LHX4: variants seen among roughly 807,000 people sequenced by gnomAD.
LHX4 encodes the protein LIM homeobox 4, also known as LIM/homeobox protein Lhx4.
A neutral mutation model predicts 39.2 loss-of-function variants in LHX4; 16 were observed. The observed-to-expected ratio is 0.41, with a 90% CI of 0.28 to 0.62. The LOEUF (loss-of-function observed/expected upper bound fraction) is 0.62. Ranked by LOEUF, LHX4 falls within the 20% of genes least tolerant of loss-of-function variation. The pLI, the probability that LHX4 is intolerant of heterozygous loss-of-function variation, is 0.33. For synonymous variants in LHX4, 206 were observed against 198.1 expected (o/e 1.04, Z -0.33); for missense variants, 439 against 511.9 (o/e 0.86, Z 1.37).
chr1:180,271,131 G>C (rs958799271), intron 3 of LHX4: 1 of 564,508 alleles, frequency 1.8e-6, no homozygotes, highest in Admixed American at 2.9e-5. Flanking sequence ...TGGCAGGGGA[G>C]GGTTGAGGCA....
chr1:180,244,595 A>G (rs984253142), intron 1 of LHX4, among the ~76,000 whole-genome samples: 1 of 152,212 alleles, frequency 6.6e-6, no homozygotes, highest in Non-Finnish European at 1.5e-5. Flanking sequence ...AATAAATTTT[A>G]TGGGCATATA....
rs1401883352 is a variant in LHX4 at position 180,234,999 on chromosome 1, G to A, written c.76+4394G>A. Among the ~76,000 whole-genome samples the A allele has an allele frequency of 6.6e-6, 1 of 152,240 alleles. No individual in the cohort carries two copies. The highest frequency in any genetic ancestry group is 6.5e-5 in the Admixed American group (1 of 15,292). On this transcript the variant is annotated intron_variant, in intron 1 of 5. Transcript: ENST00000263726. The surrounding 1 kb of genome is among the most constrained non-coding windows in gnomAD (Gnocchi z 4.8). The stretch of plus-strand genomic sequence containing the variant: ...CACCCATGGGCGGCTCACGATCCTG[G>A]GCACTCGCCCGGGAATCCCGGGCGT...
upstream of LHX4, among the ~76,000 whole-genome samples, chr1:180,229,911 T>C (rs1406482509): frequency 7.2e-6 from 1 of 139,154 alleles, no homozygotes; most frequent in Admixed American, 7.1e-5. Flanking sequence ...GCAGAATTTA[T>C]ACCCAGGGCG....
intron 2 of LHX4, among the ~76,000 whole-genome samples, chr1:180,254,422 T>A (rs1647760096): frequency 6.6e-6 from 1 of 152,190 alleles, no homozygotes. Context: ...AGGCCGTAGG[T>A]GGGCTGTCCG....
intron 1 of LHX4, among the ~76,000 whole-genome samples, chr1:180,244,393 G>A (rs1416251010): frequency 6.6e-6 from 1 of 152,068 alleles, no homozygotes; most frequent in Non-Finnish European, 1.5e-5. Context: ...GACCCAGCGC[G>A]GATCCTTTCC....
chr1:180,270,424 C>T (rs1277486678), intron 3 of LHX4: 1 of 152,238 alleles, frequency 6.6e-6, no homozygotes, highest in African/African-American at 2.4e-5. Flanking sequence ...TCCAGGGGCA[C>T]TGTGGAGAAA....
At chr1:180,268,991 T>C (rs1648459743) in intron 3 of LHX4, among the ~76,000 whole-genome samples, 1 of 152,228 alleles carries the variant, frequency 6.6e-6, no homozygotes, top group African/African-American at 2.4e-5. Flanking sequence ...TGAATGATTT[T>C]GTTCACTTGT....
Position 180,271,390 on chromosome 1 carries a change from G to A in LHX4, c.462G>A (p.Glu154=). ...GGTTTTTCCTTGCAGATGACTCAGAGGCTGGAGCTAAGCGGCCCCGGACCA... is the reference window on the plus strand; with the variant it reads ...GGTTTTTCCTTGCAGATGACTCAGAAGCTGGAGCTAAGCGGCCCCGGACCA... ...YETAKQNDDS[E]AGAKRPRTTI... The change falls in exon 4 of 6, where the codon GAG becomes GAA. Residue 154 remains glutamate (E), a synonymous_variant. Transcript: ENST00000263726. 6.2e-7 allele frequency: 1 copy of A among 1,614,206 alleles called. No homozygotes were observed. Among genetic ancestry groups the A allele is most frequent in the Admixed American group, 1.7e-5 (1 of 60,018 alleles).
rs572162145 is a variant in LHX4 at position 180,259,486 on chromosome 1, G to A, written c.249-6906G>A. On this transcript the variant is annotated intron_variant, in intron 2 of 5. Coordinates refer to ENST00000263726, the MANE Select transcript of LHX4 (RefSeq NM_033343.4). ...GCAGGCAGGGGCTGGGGCCCCGGGT[G>A]TGCGAGTGGAAGGCACAGTGGGAGG... Among the ~76,000 whole-genome samples the A allele has an allele frequency of 4.6e-5, 7 of 151,934 alleles. No homozygotes were observed. In the East Asian group the frequency reaches 1.2e-3, roughly 25 times the overall value.
Position 180,266,525 on chromosome 1 carries a change from G to A in LHX4, c.382G>A (p.Asp128Asn). The change falls in exon 3 of 6, where the codon GAC (aspartate) becomes AAC (asparagine). Residue 128 changes from aspartate to asparagine, a missense_variant. Physicochemically the swap from Asp to Asn is conservative, Grantham distance 23. Coordinates refer to ENST00000263726, the MANE Select transcript of LHX4 (RefSeq NM_033343.4). The surrounding 1 kb of genome is among the most constrained non-coding windows in gnomAD (Gnocchi z 5.7). Reference protein sequence around the residue: ...IICNRQLATGDEFYLMEDGRL... With the variant: ...IICNRQLATGNEFYLMEDGRL... ...CTGCAACCGGCAGCTGGCCACGGGG[G>A]ACGAATTCTACCTCATGGAGGACGG... 6.2e-7 allele frequency: 1 copy of A among 1,614,214 alleles called. No homozygotes were observed. Among genetic ancestry groups the A allele is most frequent in the African/African-American group, 1.3e-5 (1 of 75,064 alleles).
intron 2 of LHX4, among the ~76,000 whole-genome samples, chr1:180,256,127 C>G (rs1647846033): frequency 6.6e-6 from 1 of 152,266 alleles, no homozygotes; most frequent in South Asian, 2.1e-4. Context: ...CCTGCAGCCT[C>G]TGTGCCTTCA....
At chr1:180,247,088 C>G (rs1025363020) in intron 1 of LHX4, among the ~76,000 whole-genome samples, 1 of 152,060 alleles carries the variant, frequency 6.6e-6, no homozygotes, top group Non-Finnish European at 1.5e-5. Flanking sequence ...TTTTGAAAAG[C>G]ACAGGGGAAA....
rs375441662 is a variant in LHX4, at chr1:180,274,285, C to T, written c.879C>T (p.Asp293=). ...GQLMNGSFSM[D]GTGQSYQDLR... is the part of the protein sequence containing the mutation. ...TAATGAATGGGAGCTTCTCCATGGA[C>T]GGGACAGGACAATCCTATCAGGACT... Residue 293 remains aspartate (D), a synonymous_variant, in exon 6 of 6, where the codon GAC becomes GAT. Transcript: ENST00000263726. 326 of 1,614,140 alleles carry T rather than the reference C, an allele frequency of 2.0e-4. No individual in the cohort carries two copies. Among genetic ancestry groups the T allele is most frequent in the Admixed American group, 1.0e-3 (60 of 60,034 alleles).
chr1:180,266,300 G>C lies in LHX4; in HGVS notation c.249-92G>C. 2.4e-6 allele frequency: 3 copies of C among 1,234,644 alleles called. No homozygotes were observed. Among genetic ancestry groups the C allele is most frequent in the Non-Finnish European group, 3.6e-6 (3 of 842,074 alleles). 76.5% of individuals were successfully genotyped at this position (1,234,644 alleles called of 1,614,324 possible). On this transcript the variant is annotated intron_variant, in intron 2 of 5. Coordinates refer to ENST00000263726, the MANE Select transcript of LHX4 (RefSeq NM_033343.4). The surrounding 1 kb of genome is among the most constrained non-coding windows in gnomAD (Gnocchi z 5.7). ...GGTGAGGCTCATGGAGTCCCGGAGT[G>C]GTGGGGTAGGAGGGAGGCTGCTCCA...
chr1:180,236,824 C>T (rs1664331515), intron 1 of LHX4, among the ~76,000 whole-genome samples: 1 of 152,182 alleles, frequency 6.6e-6, no homozygotes, highest in Non-Finnish European at 1.5e-5. Context: ...AGTAATATTA[C>T]CCACTTTGAG....
intron 1 of LHX4, among the ~76,000 whole-genome samples, chr1:180,246,135 C>T (rs369942135): frequency 2.0e-5 from 3 of 152,138 alleles, no homozygotes; most frequent in South Asian, 2.1e-4. Flanking sequence ...CTGACTTCCA[C>T]GCAAATACTG....
rs148288621 is a variant in LHX4, at chr1:180,274,801, G to C, written c.*222G>C. The C allele has an allele frequency of 2.2e-5, 12 of 551,586 alleles. No homozygotes were observed. Among genetic ancestry groups the C allele is most frequent in the African/African-American group, 1.9e-4 (10 of 53,522 alleles). 34.2% of individuals were successfully genotyped at this position (551,586 alleles called of 1,614,324 possible). On this transcript the variant is annotated 3_prime_UTR_variant, in exon 6 of 6. Transcript: ENST00000263726. Reference sequence around the variant, plus strand: ...AGACTCATCTCAGAACACAGCACAGGGGGTAATGGCCTAGAGCTCTAGGGA... The same window carrying C: ...AGACTCATCTCAGAACACAGCACAGCGGGTAATGGCCTAGAGCTCTAGGGA...
chr1:180,271,733 T>A (rs1351202192), intron 4 of LHX4, 102 bp from the exon 5 acceptor site: 2 of 1,394,774 alleles, frequency 1.4e-6, no homozygotes, highest in African/African-American at 2.8e-5. Context: ...CTGTGCTCCA[T>A]TCAGGCTTCA....
chr1:180,244,533 TTC>T, intron 1 of LHX4, among the ~76,000 whole-genome samples: 1 of 152,362 alleles, frequency 6.6e-6, no homozygotes, highest in Middle Eastern at 3.4e-3. Context: ...CCCTAATGTA[TTC>T]TCTCTTGAAT....
Sources: allele counts gnomAD v4.1 joint callset (sites outside exome capture counted in the v4.1 genomes callset), GRCh38; gene constraint gnomAD v4.1.1; non-coding constraint Gnocchi (gnomAD v3.1); transcripts MANE v1.5; gene names NCBI Gene and HGNC (gene_info 2026-07-23, HGNC 2026-07-21).